SP3: variants seen among roughly 807,000 people sequenced by gnomAD.
The protein encoded by SP3 is Sp3 transcription factor.
Under a neutral mutation model 70.3 loss-of-function variants are expected in SP3, and 10 were observed. The ratio of observed to expected loss-of-function variants is 0.14; its 90% CI spans 0.09 to 0.24. The LOEUF (loss-of-function observed/expected upper bound fraction) is 0.24. Among genes scored for constraint, SP3 ranks in the 10% least tolerant of loss-of-function variants. SP3 has a pLI of 1.00. For synonymous variants in SP3, 402 were observed against 333.5 expected, an observed-to-expected ratio of 1.21 and a Z score of -2.24; for missense variants, 825 against 914.6, an observed-to-expected ratio of 0.90 and a Z score of 1.26.
At chr2:173,962,427 TA>T (rs747058251) in intron 3 of SP3, among the ~76,000 whole-genome samples, 1 of 152,190 alleles carries the variant, frequency 6.6e-6, no homozygotes, top group African/African-American at 2.4e-5. Context: ...ATACAGTTCA[TA>T]AAAAAATCTA....
chr2:173,963,913 A>C (rs1691174645), intron 2 of SP3, 30 bp from the exon 3 acceptor site: 2 of 1,417,748 alleles, frequency 1.4e-6, no homozygotes, highest in Non-Finnish European at 1.9e-6. Flanking sequence ...TCAGAGAGGG[A>C]GACAGGGGGA....
chr2:173,941,200 A>G (rs1431600016), intron 4 of SP3, among the ~76,000 whole-genome samples: 3 of 151,704 alleles, frequency 2.0e-5, no homozygotes, highest in African/African-American at 7.3e-5. Flanking sequence ...CATTCTACTC[A>G]TGCTTTCCTC....
intron 4 of SP3, 97 bp downstream of exon 4, chr2:173,954,775 TA>T: frequency 9.8e-7 from 1 of 1,021,882 alleles, no homozygotes; most frequent in Non-Finnish European, 1.5e-6. Context: ...TCATTAATTC[TA>T]ATGTGAGTCT....
chr2:173,952,127 T>C (rs1362770351), intron 4 of SP3, among the ~76,000 whole-genome samples: 1 of 148,242 alleles, frequency 6.7e-6, no homozygotes, highest in Non-Finnish European at 1.5e-5. Context: ...TGAGGAAATA[T>C]CTGTCACTTA....
rs1690841189 is a variant in SP3 at position 173,955,243 on chromosome 2, A to G, written c.1269T>C (p.Gly423=). Reference sequence around the variant, plus strand: ...ATATATTTTGACCACTGGCTTGCACACCATGGATTGTCTGTGGTGTAATAC... The same window carrying G: ...ATATATTTTGACCACTGGCTTGCACGCCATGGATTGTCTGTGGTGTAATAC... The part of the protein sequence containing the change: ...VQGITPQTIH[G]VQASGQNISQ... The change falls in exon 4 of 7, where the codon GGT becomes GGC. Residue 423 remains glycine (G), a synonymous_variant. Transcript: ENST00000310015. 6.2e-7 allele frequency: 1 copy of G among 1,614,154 alleles called. No homozygotes were observed. The highest frequency in any genetic ancestry group is 8.5e-7 in the Non-Finnish European group (1 of 1,180,034).
chr2:173,918,628 A>T lies in SP3; in HGVS notation c.1797T>A (p.Ala599=). ...CTTCTTTACAGTTGGGACAGGTGCA[A>T]GCTACCCTCCGAAGTCTTTTTCCTT... ...HQEGKRLRRV[A]CTCPNCKEGG... is the part of the protein sequence containing the mutation. The change falls in exon 5 of 7, where the codon GCT becomes GCA. Residue 599 remains alanine (A), a synonymous_variant. Coordinates refer to ENST00000310015, the MANE Select transcript of SP3 (RefSeq NM_003111.5). The T allele has an allele frequency of 6.2e-7, 1 of 1,613,590 alleles. No individual in the cohort carries two copies. Among genetic ancestry groups the T allele is most frequent in the Non-Finnish European group, 8.5e-7 (1 of 1,179,648 alleles).
intron 3 of SP3, among the ~76,000 whole-genome samples, chr2:173,956,699 A>T (rs1690905168): frequency 6.6e-6 from 1 of 152,218 alleles, no homozygotes; most frequent in African/African-American, 2.4e-5. Context: ...ATCTATTAAC[A>T]TACTCTAAAG....
chr2:173,926,632 T>C (rs558139024), intron 4 of SP3, among the ~76,000 whole-genome samples: 1 of 152,268 alleles, frequency 6.6e-6, no homozygotes, highest in South Asian at 2.1e-4. Context: ...GACCAGTCTC[T>C]ACCAAAAATA....
rs1689241088 is a variant in SP3, at chr2:173,903,968, A to G, written c.*5973T>C. On this transcript the variant is annotated 3_prime_UTR_variant, in exon 7 of 7. Transcript: ENST00000310015. ...TTTTTGGCACCAGGGACTAGTTTTG[A>G]GGAAGACAATTTTTTCATGGATGGG... Among the ~76,000 whole-genome samples the G allele has an allele frequency of 7.2e-6, 1 of 138,278 alleles. No individual in the cohort carries two copies. The highest frequency in any genetic ancestry group is 2.7e-5 in the African/African-American group (1 of 37,276). 90.7% of individuals were successfully genotyped at this position (138,278 alleles called of 152,430 possible). A position where few individuals can be genotyped will look rare whatever the true frequency, so the allele number is the denominator to read the frequency against.
At chr2:173,941,469 A>C (rs757486474) in intron 4 of SP3, among the ~76,000 whole-genome samples, 11 of 152,272 alleles carry the variant, frequency 7.2e-5, no homozygotes, top group Non-Finnish European at 1.3e-4. Flanking sequence ...AATTAGCCAG[A>C]CATGGCAGCA....
At chr2:173,963,961 G>A (rs1239479249) in intron 2 of SP3, 78 bp from the exon 3 acceptor site, 2 of 1,043,738 alleles carry the variant, frequency 1.9e-6, no homozygotes, top group Non-Finnish European at 2.6e-6. Flanking sequence ...TTTCGCACAG[G>A]AAGTACGACT....
chr2:173,951,048 TAC>T (rs1325876753), intron 4 of SP3, among the ~76,000 whole-genome samples: 3 of 152,226 alleles, frequency 2.0e-5, no homozygotes, highest in Non-Finnish European at 4.4e-5. Context: ...GTATTCAATA[TAC>T]ACAGTGTTTC....
chr2:173,953,125 T>C (rs552137558), intron 4 of SP3, among the ~76,000 whole-genome samples: 80 of 152,258 alleles, frequency 5.3e-4, no homozygotes, highest in Non-Finnish European at 9.3e-4. Flanking sequence ...CTTTTCTTAC[T>C]GGTTCATCGA....
rs1040881231 is a variant in SP3 at position 173,900,854 on chromosome 2, G to T, written c.*9087C>A. Among the ~76,000 whole-genome samples, 27 of 152,192 alleles carry T rather than the reference G, an allele frequency of 1.8e-4. No individual in the cohort carries two copies. Among genetic ancestry groups the T allele is most frequent in the African/African-American group, 6.3e-4 (26 of 41,456 alleles). ...GAGAGATACAGAATTATCATGGATA[G>T]AAAGATAACATTCTTTCCCCAAATT... On this transcript the variant is annotated 3_prime_UTR_variant, in exon 7 of 7. Transcript: ENST00000310015.
At chr2:173,962,559 AC>A (rs1208172756) in intron 3 of SP3, among the ~76,000 whole-genome samples, 12 of 152,230 alleles carry the variant, frequency 7.9e-5, no homozygotes, top group Admixed American at 7.2e-4. Flanking sequence ...TTATGAAAAA[AC>A]AAGACATTAA....
intron 4 of SP3, among the ~76,000 whole-genome samples, chr2:173,931,446 C>T (rs1188770546): frequency 1.3e-5 from 2 of 152,082 alleles, no homozygotes; most frequent in Admixed American, 6.6e-5. Flanking sequence ...CGGGTTCAAG[C>T]GATTCTTCTG....
Position 173,905,547 on chromosome 2 carries a change from A to G in SP3, c.*4394T>C, listed in dbSNP as rs904683897. Among the ~76,000 whole-genome samples, 1 of 152,178 alleles carries G rather than the reference A, an allele frequency of 6.6e-6. No individual in the cohort carries two copies. The highest frequency in any genetic ancestry group is 2.4e-5 in the African/African-American group (1 of 41,430). On this transcript the variant is annotated 3_prime_UTR_variant, in exon 7 of 7. Coordinates refer to ENST00000310015, the MANE Select transcript of SP3 (RefSeq NM_003111.5). ...CAGGATATCATTCTTAACATCAAAAACTGTATCTTAAACGTATTTAATACA... is the reference window on the plus strand; with the variant it reads ...CAGGATATCATTCTTAACATCAAAAGCTGTATCTTAAACGTATTTAATACA...
rs1288534316 is a variant in SP3, at chr2:173,956,020, T to C, written c.492A>G (p.Thr164=). 3 of 1,614,112 alleles carry C rather than the reference T, an allele frequency of 1.9e-6. No individual in the cohort carries two copies. The highest frequency in any genetic ancestry group is 2.2e-5 in the East Asian group (1 of 44,898). ...TCACTTGATATTGAACACTGGACAC[T>C]GTACCATTTGATGAATCTGATCCTG... is the stretch of plus-strand genomic sequence containing the variant. ...VAPGSDSSNG[T]VSSVQYQVIP... The change falls in exon 4 of 7, where the codon ACA becomes ACG. Residue 164 remains threonine, a synonymous_variant. Transcript: ENST00000310015.
At chr2:173,932,130 T>G (rs1402254666) in intron 4 of SP3, among the ~76,000 whole-genome samples, 2 of 152,234 alleles carry the variant, frequency 1.3e-5, no homozygotes, top group Non-Finnish European at 2.9e-5. Flanking sequence ...AAGTGAGATA[T>G]GTGCAATTCT....
Sources: allele counts gnomAD v4.1 joint callset (sites outside exome capture counted in the v4.1 genomes callset), GRCh38; gene constraint gnomAD v4.1.1; transcripts MANE v1.5; gene names NCBI Gene and HGNC (gene_info 2026-07-23, HGNC 2026-07-21).